Variants in IL23R observed in about 807,000 individuals in gnomAD.
IL23R encodes the protein interleukin-23 receptor.
In IL23R, 34 loss-of-function variants were observed where a neutral mutation model predicts 56.9. The ratio of observed to expected loss-of-function variants is 0.60; its 90% CI spans 0.45 to 0.80. The LOEUF (loss-of-function observed/expected upper bound fraction) is 0.80, where lower values mean the gene tolerates loss of function less well. Ranked by LOEUF, IL23R falls within the 30% of genes least tolerant of loss-of-function variation. The probability of loss-of-function intolerance (pLI) is 0.00; values close to 1 mark genes in which losing one functional copy is unlikely to be tolerated. For missense variants in IL23R, 635 were observed against 730.0 expected (o/e 0.87, Z 1.50); for synonymous variants, 230 against 249.2 (o/e 0.92, Z 0.73).
At chr1:67,245,520 G>A (rs979831042) in intron 9 of IL23R, among the ~76,000 whole-genome samples, 1 of 152,106 alleles carries the variant, frequency 6.6e-6, no homozygotes, top group Non-Finnish European at 1.5e-5. Flanking sequence ...TAGCATGAAG[G>A]GCTGTTGAAT....
intron 4 of IL23R, among the ~76,000 whole-genome samples, chr1:67,195,655 A>G (rs534686308): frequency 4.5e-4 from 68 of 152,256 alleles, no homozygotes; most frequent in African/African-American, 1.6e-3. Context: ...AAGAGGTAAC[A>G]CAGAAAAAAT....
At chr1:67,180,370 G>A (rs1024880250) in intron 3 of IL23R, among the ~76,000 whole-genome samples, 6 of 152,060 alleles carry the variant, frequency 3.9e-5, no homozygotes, top group Non-Finnish European at 8.8e-5. Flanking sequence ...TTACCATTAT[G>A]TAATGGCCTT....
chr1:67,253,796 C>T (rs1003390485), intron 9 of IL23R, among the ~76,000 whole-genome samples: 1 of 152,046 alleles, frequency 6.6e-6, no homozygotes, highest in Non-Finnish European at 1.5e-5. Context: ...TAAACATGCC[C>T]TAGTGTAAAA....
chr1:67,264,253 A>G (rs543077897), downstream of IL23R, among the ~76,000 whole-genome samples: 1 of 152,316 alleles, frequency 6.6e-6, no homozygotes, highest in East Asian at 1.9e-4. Context: ...GCTTCTCCCA[A>G]TTACTTTACC....
At chr1:67,232,312 G>A (rs1651153883) in intron 7 of IL23R, among the ~76,000 whole-genome samples, 1 of 152,046 alleles carries the variant, frequency 6.6e-6, no homozygotes, top group African/African-American at 2.4e-5. Context: ...AGCACAGTAG[G>A]GCTTGTGGGG....
At chr1:67,213,744 T>C (rs1570862013) in intron 6 of IL23R, among the ~76,000 whole-genome samples, 1 of 152,270 alleles carries the variant, frequency 6.6e-6, no homozygotes, top group East Asian at 1.9e-4. Context: ...ATCTATGATG[T>C]TCGTACAATG....
intron 4 of IL23R, among the ~76,000 whole-genome samples, chr1:67,200,242 C>A (rs1211767023): frequency 6.6e-6 from 1 of 152,024 alleles, no homozygotes; most frequent in African/African-American, 2.4e-5. Context: ...CAGGGTTTCA[C>A]CATGTTAGCC....
Position 67,205,991 on chromosome 1 carries a change from T to C in IL23R, c.653-919T>C, listed in dbSNP as rs192678645. 4.5e-4 allele frequency among the ~76,000 whole-genome samples: 68 copies of C among 151,432 alleles called. No homozygotes were observed. The East Asian group carries it at 0.013, about 29-fold the overall frequency. On this transcript the variant is annotated intron_variant, in intron 5 of 10. Coordinates refer to ENST00000347310, the MANE Select transcript of IL23R (RefSeq NM_144701.3). ...TTGCTCTTTCTGTCTCTTCCTTTCT[T>C]TCTCTTTTCCTTCCTCCTTTCCCTT... is the stretch of plus-strand genomic sequence containing the variant.
chr1:67,217,607 A>G (rs1279858495), intron 6 of IL23R, among the ~76,000 whole-genome samples: 2 of 151,920 alleles, frequency 1.3e-5, no homozygotes, highest in Admixed American at 6.6e-5. Context: ...AGATCCCAGG[A>G]GACCTCAGAC....
chr1:67,246,465 T>G (rs766471240), intron 9 of IL23R, among the ~76,000 whole-genome samples: 1 of 152,176 alleles, frequency 6.6e-6, no homozygotes, highest in African/African-American at 2.4e-5. Context: ...ATAAATTTCC[T>G]TCTACACACT....
At chr1:67,247,406 G>A (rs990881982) in intron 9 of IL23R, among the ~76,000 whole-genome samples, 5 of 152,008 alleles carry the variant, frequency 3.3e-5, no homozygotes, top group African/African-American at 1.2e-4. Context: ...CCAGGTGCAA[G>A]GGATTCTCCT....
At chr1:67,222,989 C>T (rs1650398666) in intron 7 of IL23R, among the ~76,000 whole-genome samples, 1 of 152,086 alleles carries the variant, frequency 6.6e-6, no homozygotes, top group African/African-American at 2.4e-5. Flanking sequence ...TGTGGTGGCT[C>T]ATGCCTGTAA....
chr1:67,201,254 A>T (rs1332202937), intron 5 of IL23R, among the ~76,000 whole-genome samples: 1 of 151,960 alleles, frequency 6.6e-6, no homozygotes, highest in East Asian at 1.9e-4. Flanking sequence ...AGTACAAAAA[A>T]AAAATTAGCC....
chr1:67,223,026 A>G (rs895376033), intron 7 of IL23R, among the ~76,000 whole-genome samples: 1 of 152,088 alleles, frequency 6.6e-6, no homozygotes, highest in Non-Finnish European at 1.5e-5. Context: ...GGCCAAGGCG[A>G]GTGGATCACC....
chr1:67,259,498 C>A lies in IL23R; in HGVS notation c.*370C>A. On this transcript the variant is annotated 3_prime_UTR_variant, in exon 11 of 11. Coordinates refer to ENST00000347310, the MANE Select transcript of IL23R (RefSeq NM_144701.3). ...GGAACATGCTTCATGGTCACACATA[C>A]AGGCACAAAAACAGCATTATGTGGA... The A allele has an allele frequency of 3.3e-6, 1 of 298,890 alleles. No homozygotes were observed. Among genetic ancestry groups the A allele is most frequent in the Non-Finnish European group, 6.4e-6 (1 of 157,264 alleles). The allele number at this position is 298,890 out of a possible 1,614,324, so 18.5% of individuals were successfully genotyped here.
intron 1 of IL23R, among the ~76,000 whole-genome samples, chr1:67,143,394 A>G (rs1321548464): frequency 6.6e-6 from 1 of 152,226 alleles, no homozygotes; most frequent in Non-Finnish European, 1.5e-5. Flanking sequence ...TAAGGAGTTT[A>G]TCTGGGAGGT....
At chr1:67,165,307 T>C (rs77138986), upstream of IL23R, among the ~76,000 whole-genome samples, 2,752 of 152,226 alleles carry the variant, frequency 0.018, 38 homozygotes, top group East Asian at 0.06. Context: ...AGACAAGATA[T>C]AAGTATTGCT....
At chr1:67,175,735 A>G (rs1206187534) in intron 3 of IL23R, among the ~76,000 whole-genome samples, 2 of 152,196 alleles carry the variant, frequency 1.3e-5, no homozygotes, top group Non-Finnish European at 2.9e-5. Context: ...TGAGTAGTGG[A>G]AAATGTGCAA....
chr1:67,139,554 A>G (rs1322747275), intron 1 of IL23R, among the ~76,000 whole-genome samples: 1 of 152,220 alleles, frequency 6.6e-6, no homozygotes, highest in Admixed American at 6.5e-5. Context: ...CTTCTATTAA[A>G]GACCACAACT....
Sources: allele counts gnomAD v4.1 joint callset (sites outside exome capture counted in the v4.1 genomes callset), GRCh38; gene constraint gnomAD v4.1.1; transcripts MANE v1.5; gene names NCBI Gene and HGNC (gene_info 2026-07-23, HGNC 2026-07-21).